Variants in POLQ observed in about 807,000 individuals in gnomAD.
POLQ encodes the protein DNA polymerase theta.
Under a neutral mutation model 259.2 loss-of-function variants are expected in POLQ, and 233 were observed. That is an observed-to-expected ratio of 0.90 (90% CI 0.81 to 1.00). POLQ has a LOEUF of 1.00. Among genes scored for constraint, POLQ ranks in the 50% least tolerant of loss-of-function variants. The pLI is 0.00. For synonymous variants in POLQ, 1,025 were observed against 1,048.8 expected (o/e 0.98, Z 0.44); for missense variants, 2,871 against 3,051.6 (o/e 0.94, Z 1.39).
intron 5 of POLQ, among the ~76,000 whole-genome samples, chr3:121,535,295 A>T (rs1006524099): frequency 1.3e-5 from 2 of 152,240 alleles, no homozygotes; most frequent in African/African-American, 4.8e-5. Context: ...AATTTAAAAA[A>T]TTGTTTACAA....
chr3:121,434,207 G>C (rs1361111521), intron 28 of POLQ, among the ~76,000 whole-genome samples: 3 of 152,166 alleles, frequency 2.0e-5, no homozygotes, highest in African/African-American at 7.2e-5. Flanking sequence ...CATATGGTCT[G>C]CTTCCTCATG....
intron 14 of POLQ, 28 bp from the exon 15 acceptor site, chr3:121,493,749 A>G: frequency 6.3e-7 from 1 of 1,582,656 alleles, no homozygotes; most frequent in Non-Finnish European, 8.6e-7. Context: ...TATTTGTTGA[A>G]TTCAATTTTT....
intron 17 of POLQ, among the ~76,000 whole-genome samples, chr3:121,484,335 TA>T (rs1295834140): frequency 6.6e-6 from 1 of 152,204 alleles, no homozygotes; most frequent in Non-Finnish European, 1.5e-5. Context: ...ATTCGACTAC[TA>T]TAGATCTCTA....
rs2048519989 is a variant in POLQ, at chr3:121,544,949, T to G, written c.164-43A>C. The G allele has an allele frequency of 1.4e-5, 18 of 1,285,368 alleles. No individual in the cohort carries two copies. The East Asian group carries it at 4.5e-4, about 32-fold the overall frequency. 79.6% of individuals were successfully genotyped at this position (1,285,368 alleles called of 1,614,324 possible). ...AAATTAAAATTTAATTTACTTCTAA[T>G]ATATGAGTTTTACAGTTAGCCCTTC... On this transcript the variant is annotated intron_variant, in intron 1 of 29. Coordinates refer to ENST00000264233, the MANE Select transcript of POLQ (RefSeq NM_199420.4).
rs767282392 is a variant in POLQ, at chr3:121,493,698, G to A, written c.2302C>T (p.Arg768Cys). 2.2e-5 allele frequency: 36 copies of A among 1,613,430 alleles called. No homozygotes were observed. The highest frequency in any genetic ancestry group is 2.7e-5 in the Non-Finnish European group (32 of 1,179,556). ...YAGMITVFSN[R>C]LGWHNMELLL... is the part of the protein sequence containing the mutation. Reference sequence around the variant, plus strand: ...AGTTCCATGTTGTGCCAGCCCAGACGGTTGGAAAATACTGTAATCATCCCT... The same window carrying A: ...AGTTCCATGTTGTGCCAGCCCAGACAGTTGGAAAATACTGTAATCATCCCT... The change falls in exon 15 of 30, where the codon CGT becomes TGT. Residue 768 changes from arginine (R) to cysteine (C), a missense_variant. By Grantham distance (180) the Arg-to-Cys change is radical (BLOSUM62 -3). Around this residue, in one of 3 missense-constraint regions of POLQ, gnomAD observed 2,080 missense variants for 2,126.0 expected, o/e 0.98. Transcript: ENST00000264233.
intron 18 of POLQ, among the ~76,000 whole-genome samples, 195 bp downstream of exon 18, chr3:121,483,191 T>C (rs1024387322): frequency 6.6e-6 from 1 of 152,066 alleles, no homozygotes; most frequent in Non-Finnish European, 1.5e-5. Flanking sequence ...ATTTGTGACA[T>C]CTCTGTTTTT....
intron 13 of POLQ, among the ~76,000 whole-genome samples, chr3:121,497,147 TA>T (rs2048131226): frequency 6.6e-6 from 1 of 152,192 alleles, no homozygotes; most frequent in Non-Finnish European, 1.5e-5. Flanking sequence ...AGTAAAGAAC[TA>T]ATGTCTGTAT....
rs753548955 is a variant in POLQ, at chr3:121,529,649, AGCTTGAT to A, written c.1097_1103del (p.His366LeufsTer5). The A allele has an allele frequency of 2.8e-5, 45 of 1,613,238 alleles. No individual in the cohort carries two copies. The South Asian group carries it at 4.9e-4, about 18-fold the overall frequency. On this transcript the variant is annotated frameshift_variant, in exon 7 of 30. Coordinates refer to ENST00000264233, the MANE Select transcript of POLQ (RefSeq NM_199420.4). LOFTEE classifies it high-confidence loss of function. ...TCCTTTCCATCCATAACTCACCCTC[AGCTTGAT>A]GATGTAGATTATAAAACTCTCGAGC...
chr3:121,468,466 A>G (rs760993808), intron 22 of POLQ, 35 bp from the exon 23 acceptor site: 13 of 1,503,502 alleles, frequency 8.6e-6, no homozygotes, highest in African/African-American at 4.2e-5. Context: ...TAAAATCAGG[A>G]AAAAAAATCT....
intron 22 of POLQ, among the ~76,000 whole-genome samples, chr3:121,469,821 T>C (rs148047275): frequency 1.3e-5 from 2 of 152,326 alleles, no homozygotes; most frequent in African/African-American, 4.8e-5. Flanking sequence ...TTTGTATTTC[T>C]AAATATTATA....
chr3:121,544,945 CTAATATA>C, intron 1 of POLQ, 39 bp from the exon 2 acceptor site: 1 of 1,311,970 alleles, frequency 7.6e-7, no homozygotes, highest in Non-Finnish European at 1.1e-6. Context: ...TAATTTACTT[CTAATATA>C]TGAGTTTTAC....
intron 25 of POLQ, among the ~76,000 whole-genome samples, chr3:121,453,641 T>C (rs546930): frequency 0.099 from 14,958 of 150,596 alleles, 1,065 homozygotes; most frequent in African/African-American, 0.2. Context: ...AGGGTATCAG[T>C]GATGGAAGAT....
intron 25 of POLQ, among the ~76,000 whole-genome samples, chr3:121,458,850 A>C (rs2047765989): frequency 6.6e-6 from 1 of 152,196 alleles, no homozygotes; most frequent in Non-Finnish European, 1.5e-5. Flanking sequence ...CAGGAGTTGA[A>C]GACCACCCTG....
At chr3:121,512,838 A>T (rs536253117) in intron 9 of POLQ, among the ~76,000 whole-genome samples, 67 of 152,250 alleles carry the variant, frequency 4.4e-4, no homozygotes, top group Non-Finnish European at 2.2e-4. Context: ...ATGCAAATGT[A>T]AATTGTTACC....
intron 27 of POLQ, among the ~76,000 whole-genome samples, chr3:121,438,276 T>C (rs1347026405): frequency 1.3e-5 from 2 of 152,194 alleles, no homozygotes; most frequent in African/African-American, 2.4e-5. Context: ...ACTGAAGTAT[T>C]TGGCATGAAA....
Position 121,537,345 on chromosome 3 carries a change from TG to T in POLQ, c.632-138del. Reference sequence around the variant, plus strand: ...AGATTTGGGGGTACATGTGAAGGTCTGTTACCTGGGTATATTGTGTAATGCT... The same window carrying T: ...AGATTTGGGGGTACATGTGAAGGTCTTTACCTGGGTATATTGTGTAATGCT... On this transcript the variant is annotated intron_variant, in intron 4 of 29. Transcript: ENST00000264233. The T allele has an allele frequency of 6.3e-6, 4 of 630,232 alleles. No homozygotes were observed. In the South Asian group the frequency reaches 8.0e-5, roughly 13 times the overall value. The allele number at this position is 630,232 out of a possible 1,614,324, so 39.0% of individuals were successfully genotyped here.
rs34676502 is a variant in POLQ, at chr3:121,518,759, G to GTTT, written c.1468+1109_1468+1111dup. Among the ~76,000 whole-genome samples, 677 of 150,078 alleles carry GTTT rather than the reference G, an allele frequency of 4.5e-3. 1 individual carries two copies. Among genetic ancestry groups the GTTT allele is most frequent in the Middle Eastern group, 0.014 (4 of 290 alleles). ...AGCCACAGAACTGTTTGCCTGTTTT[G>GTTT]TTTTTTTTTGACATATCTAATAAAA... On this transcript the variant is annotated intron_variant, in intron 9 of 29. Coordinates refer to ENST00000264233, the MANE Select transcript of POLQ (RefSeq NM_199420.4).
chr3:121,494,732 T>G (rs1227414771), intron 14 of POLQ: 1 of 1,571,094 alleles, frequency 6.4e-7, no homozygotes, highest in East Asian at 2.2e-5. Context: ...ACAGGTGAAC[T>G]CGGAAGACAA....
chr3:121,529,400 GTAT>G (rs2048395172), intron 7 of POLQ, among the ~76,000 whole-genome samples: 1 of 152,156 alleles, frequency 6.6e-6, no homozygotes, highest in African/African-American at 2.4e-5. Flanking sequence ...AAGAACTATA[GTAT>G]ATACCCAGTA....
Sources: allele counts gnomAD v4.1 joint callset (sites outside exome capture counted in the v4.1 genomes callset), GRCh38; gene constraint gnomAD v4.1.1; regional missense constraint gnomAD v4.1.1; transcripts MANE v1.5; gene names NCBI Gene and HGNC (gene_info 2026-07-23, HGNC 2026-07-21).